Variants in ARHGAP18 observed in about 807,000 individuals in gnomAD.
The protein encoded by ARHGAP18 is rho GTPase-activating protein 18.
In ARHGAP18, 67 loss-of-function variants were observed where a neutral mutation model predicts 86.2. The ratio of observed to expected loss-of-function variants is 0.78; its 90% confidence interval spans 0.64 to 0.95. The LOEUF (loss-of-function observed/expected upper bound fraction) is 0.95, where lower values mean the gene tolerates loss of function less well. ARHGAP18 is among the 40% of genes least tolerant of loss of function. ARHGAP18 has a pLI of 0.00. For synonymous variants in ARHGAP18, 283 were observed against 280.4 expected, an observed-to-expected ratio of 1.01 and a Z score of -0.09; for missense variants, 691 against 780.4, an observed-to-expected ratio of 0.89 and a Z score of 1.37.
intron 1 of ARHGAP18, among the ~76,000 whole-genome samples, chr6:129,667,212 T>G (rs574691423): frequency 6.6e-6 from 1 of 152,154 alleles, no homozygotes; most frequent in African/African-American, 2.4e-5. Flanking sequence ...TTTTTTCCCA[T>G]GGAATAATAT....
Position 129,641,838 on chromosome 6 carries a change from C to G in ARHGAP18, c.294G>C (p.Val98=), listed in dbSNP as rs1390987922. The change falls in exon 2 of 15, where the codon GTG becomes GTC. Residue 98 remains valine (V), a synonymous_variant. Coordinates refer to ENST00000368149, the MANE Select transcript of ARHGAP18 (RefSeq NM_033515.3). ...TACCATCAGGCTCTTTGACAACAAC[C>G]ACCTCTTGATCTTCTTGGCTGTTTT... ...SSENSQEDQE[V]VVVKEPDEGE... is the part of the protein sequence containing the mutation. 5.6e-6 allele frequency: 9 copies of G among 1,613,540 alleles called. No homozygotes were observed. The highest frequency in any genetic ancestry group is 3.3e-4 in the Middle Eastern group (2 of 6,010).
rs116699807 is a variant in ARHGAP18 at position 129,640,136 on chromosome 6, C to A, written c.317-1507G>T. On this transcript the variant is annotated intron_variant, in intron 2 of 14. Transcript: ENST00000368149. ...AGTATTGGTGTATAAAACCAGATTG[C>A]CAGAAAAAAAACCTGATATTGTTAC... 3.4e-3 allele frequency among the ~76,000 whole-genome samples: 517 copies of A among 150,730 alleles called. 2 individuals are homozygous for A. The highest frequency in any genetic ancestry group is 0.012 in the African/African-American group (489 of 41,022).
At chr6:129,685,713 C>G (rs1774412023) in intron 1 of ARHGAP18, among the ~76,000 whole-genome samples, 1 of 151,940 alleles carries the variant, frequency 6.6e-6, no homozygotes, top group Non-Finnish European at 1.5e-5. Flanking sequence ...ACGGTGATCA[C>G]TTGATAGTTT....
intron 4 of ARHGAP18, among the ~76,000 whole-genome samples, chr6:129,630,869 T>C (rs56029719): frequency 0.012 from 1,840 of 152,274 alleles, 29 homozygotes; most frequent in East Asian, 0.043. Context: ...CTGGTCCTGA[T>C]GGAATCTCAC....
At chr6:129,581,509 G>T (rs1485141961) in intron 13 of ARHGAP18, among the ~76,000 whole-genome samples, 1 of 152,098 alleles carries the variant, frequency 6.6e-6, no homozygotes, top group Non-Finnish European at 1.5e-5. Flanking sequence ...TGTTTCAGGA[G>T]ACTTGATTTA....
intron 1 of ARHGAP18, among the ~76,000 whole-genome samples, chr6:129,705,277 T>C (rs1774785008): frequency 6.6e-6 from 1 of 152,196 alleles, no homozygotes; most frequent in Non-Finnish European, 1.5e-5. Flanking sequence ...GAGATAAGCT[T>C]ATAAAGATGA....
intron 1 of ARHGAP18, among the ~76,000 whole-genome samples, chr6:129,691,619 T>C (rs1368888632): frequency 6.6e-6 from 1 of 152,148 alleles, no homozygotes; most frequent in Non-Finnish European, 1.5e-5. Flanking sequence ...CAATTAAAAT[T>C]TTTTAAAAGT....
At position 129,658,025 on chromosome 6, in the gene ARHGAP18, T is replaced by A. The variant is rs558050728; in HGVS notation, c.114-16007A>T. Among the ~76,000 whole-genome samples the A allele has an allele frequency of 2.0e-4, 31 of 152,292 alleles. No homozygotes were observed. In the South Asian group the frequency reaches 6.2e-3, roughly 31 times the overall value. On this transcript the variant is annotated intron_variant, in intron 1 of 14. Transcript: ENST00000368149. ...TACTAATGTTTCCAGAAAAAGTGTT[T>A]CTTACACCATTATCACTGTATAGTG...
At chr6:129,583,888 A>T in intron 13 of ARHGAP18, 100 bp downstream of exon 13, 2 of 1,464,530 alleles carry the variant, frequency 1.4e-6, no homozygotes. Flanking sequence ...CCACAATTAA[A>T]ACAAAAAAAA....
intron 9 of ARHGAP18, among the ~76,000 whole-genome samples, 166 bp from the exon 10 acceptor site, chr6:129,606,125 T>C (rs979379801): frequency 6.6e-6 from 1 of 152,196 alleles, no homozygotes; most frequent in African/African-American, 2.4e-5. Flanking sequence ...TTGTGGGAGA[T>C]CAGCAGAAGC....
intron 5 of ARHGAP18, among the ~76,000 whole-genome samples, chr6:129,620,241 C>G (rs955310656): frequency 6.6e-6 from 1 of 152,214 alleles, no homozygotes. Context: ...AATATTTTAA[C>G]TAATTTGAAT....
At chr6:129,604,571 C>T (rs1788814463) in intron 10 of ARHGAP18, among the ~76,000 whole-genome samples, 1 of 152,132 alleles carries the variant, frequency 6.6e-6, no homozygotes, top group South Asian at 2.1e-4. Context: ...AAGCTGAGGA[C>T]ATGTTAGATC....
In ARHGAP18 at chr6:129,645,205, ACTT is replaced by A. The variant is rs1476794443; in HGVS notation, c.114-3190_114-3188del. Among the ~76,000 whole-genome samples the A allele has an allele frequency of 6.6e-5, 10 of 152,286 alleles. No individual in the cohort carries two copies. The East Asian group carries it at 1.7e-3, about 26-fold the overall frequency. On this transcript the variant is annotated intron_variant, in intron 1 of 14. Transcript: ENST00000368149. ...TTTACATCAATGAACATGTTGTGTT[ACTT>A]CTTTTCTTTGTAGAATATATTCTAC...
rs187364622 is a variant in ARHGAP18, at chr6:129,637,743, T to C, written c.552+651A>G. Among the ~76,000 whole-genome samples, 429 of 152,334 alleles carry C rather than the reference T, an allele frequency of 2.8e-3. 3 individuals are homozygous for C. The highest frequency in any genetic ancestry group is 0.02 in the Middle Eastern group (6 of 294). ...CTCACTTCCATTTTCTGTAGATCACTTTCCTTTCCCTGTCCATAAATCTTC... is the reference window on the plus strand; with the variant it reads ...CTCACTTCCATTTTCTGTAGATCACCTTCCTTTCCCTGTCCATAAATCTTC... On this transcript the variant is annotated intron_variant, in intron 3 of 14. Transcript: ENST00000368149.
At chr6:129,611,656 G>C (rs1174248389) in intron 7 of ARHGAP18, 46 bp from the exon 8 acceptor site, 4 of 1,504,242 alleles carry the variant, frequency 2.7e-6, no homozygotes, top group East Asian at 4.6e-5. Context: ...TTTGTAACAG[G>C]TACAATTCCG....
At chr6:129,637,052 TTTGTTG>T (rs547977121) in intron 3 of ARHGAP18, among the ~76,000 whole-genome samples, 52 of 151,904 alleles carry the variant, frequency 3.4e-4, no homozygotes, top group African/African-American at 1.0e-3. Context: ...CTTGTACTGT[TTTGTTG>T]TTGTTGTTGT....
intron 1 of ARHGAP18, among the ~76,000 whole-genome samples, chr6:129,673,856 T>A (rs1001010512): frequency 6.6e-6 from 1 of 152,174 alleles, no homozygotes; most frequent in African/African-American, 2.4e-5. Flanking sequence ...AGGAAGTAGA[T>A]ATATTATCTC....
chr6:129,644,819 C>A (rs980251511), intron 1 of ARHGAP18, among the ~76,000 whole-genome samples: 1 of 152,158 alleles, frequency 6.6e-6, no homozygotes, highest in Non-Finnish European at 1.5e-5. Flanking sequence ...TTGAGTAACA[C>A]CATTGTTACA....
Position 129,709,927 on chromosome 6 carries a change from A to G in ARHGAP18, c.113+97T>C. 3.2e-6 allele frequency: 3 copies of G among 931,742 alleles called. No individual in the cohort carries two copies. The South Asian group carries it at 4.4e-5, about 14-fold the overall frequency. 57.7% of individuals were successfully genotyped at this position (931,742 alleles called of 1,614,324 possible). On this transcript the variant is annotated intron_variant, in intron 1 of 14. Transcript: ENST00000368149. Reference sequence around the variant, plus strand: ...CTGCACGAGCTCAGGCTCGACGTGCAGATGGAATTCCCTTCTCCCCACGCC... The same window carrying G: ...CTGCACGAGCTCAGGCTCGACGTGCGGATGGAATTCCCTTCTCCCCACGCC...
Sources: gnomAD v4.1 joint callset for allele counts (sites outside exome capture counted in the v4.1 genomes callset) on GRCh38, gnomAD v4.1.1 for gene constraint, MANE v1.5 for transcripts, NCBI Gene and HGNC (gene_info 2026-07-23, HGNC 2026-07-21) for gene names.